The following NHSL1 variants were observed in gnomAD, a reference collection of about 807,000 sequenced individuals.
NHSL1 encodes the protein NHS like 1, also known as NHS-like protein 1.
A neutral mutation model predicts 95.0 loss-of-function variants in NHSL1; 48 were observed. The observed-to-expected ratio is 0.51, with a 90% CI of 0.40 to 0.64. The LOEUF is 0.64. Among genes scored for constraint, NHSL1 ranks in the 30% least tolerant of loss-of-function variants. The probability of loss-of-function intolerance (pLI) is 0.00; values close to 1 mark genes in which losing one functional copy is unlikely to be tolerated. For missense variants in NHSL1, 1,971 were observed against 2,077.7 expected (o/e 0.95, Z 1.00); for synonymous variants, 783 against 833.9 (o/e 0.94, Z 1.05).
At chr6:138,449,675 C>CA (rs879337477) in intron 3 of NHSL1, among the ~76,000 whole-genome samples, 2,439 of 116,654 alleles carry the variant, frequency 0.021, 36 homozygotes, top group East Asian at 0.078. Context: ...GACTCTGTCT[C>CA]AAAAAAAAAA....
At chr6:138,614,500 C>A (rs1162760364) in intron 1 of NHSL1, among the ~76,000 whole-genome samples, 4 of 152,334 alleles carry the variant, frequency 2.6e-5, no homozygotes, top group African/African-American at 9.6e-5. Flanking sequence ...CTCAAGGAAA[C>A]AAGTGCTTAC....
At position 138,424,478 on chromosome 6, in the gene NHSL1, G is replaced by A. The variant is rs1410811112; in HGVS notation, c.4424C>T (p.Ala1475Val). 3.2e-6 allele frequency: 5 copies of A among 1,551,458 alleles called. No individual in the cohort carries two copies. In the East Asian group the frequency reaches 1.2e-4, roughly 38 times the overall value. ...SSCSPSKNRR[A>V]QEEWAKNEGL... ...TTCGTTCTTGGCCCACTCCTCCTGCGCCCTTCTGTTCTTGCTTGGGGAGCA... is the reference window on the plus strand; with the variant it reads ...TTCGTTCTTGGCCCACTCCTCCTGCACCCTTCTGTTCTTGCTTGGGGAGCA... The change falls in exon 8 of 8, where the codon GCG becomes GTG. Residue 1475 changes from alanine (A) to valine (V), a missense_variant. Ala to Val is a moderately conservative substitution (Grantham distance 64). This residue lies in a region of NHSL1 where 223 missense variants were observed against 217.0 expected (regional missense o/e 1.03). Coordinates refer to ENST00000343505, the MANE Select transcript of NHSL1 (RefSeq NM_001144060.2). This position sits in a 1 kb window ranked among gnomAD's most constrained non-coding sequence, Gnocchi z 5.9.
intron 1 of NHSL1, among the ~76,000 whole-genome samples, chr6:138,682,106 C>T (rs1398928378): frequency 1.3e-5 from 2 of 151,884 alleles, no homozygotes; most frequent in African/African-American, 2.4e-5. Context: ...CTCAACCTCC[C>T]GAGATTACAG....
At chr6:138,453,323 C>T (rs1777363675) in intron 3 of NHSL1, among the ~76,000 whole-genome samples, 1 of 151,762 alleles carries the variant, frequency 6.6e-6, no homozygotes, top group Admixed American at 6.6e-5. Flanking sequence ...TACCTCAAAT[C>T]TAATTGCTTT....
chr6:138,458,800 T>C (rs1020442925), intron 3 of NHSL1, among the ~76,000 whole-genome samples: 1 of 139,302 alleles, frequency 7.2e-6, no homozygotes, highest in Non-Finnish European at 1.5e-5. Context: ...CACTCCAGCC[T>C]GGCAACAGAG....
Position 138,692,007 on chromosome 6 carries a change from C to A in NHSL1, c.96+469G>T. Reference sequence around the variant, plus strand: ...AGAGAGGTGGCAAGCAGCCCCAACGCTCGCCGAGATCCCCAGGGTTTTACA... The same window carrying A: ...AGAGAGGTGGCAAGCAGCCCCAACGATCGCCGAGATCCCCAGGGTTTTACA... On this transcript the variant is annotated intron_variant, in intron 1 of 3. Coordinates refer to the NHSL1 transcript ENST00000491526. The surrounding 1 kb of genome is among the most constrained non-coding windows in gnomAD (Gnocchi z 4.0). 2.2e-6 allele frequency: 1 copy of A among 456,576 alleles called. No homozygotes were observed. The highest frequency in any genetic ancestry group is 6.9e-5 in the East Asian group (1 of 14,390). The allele number at this position is 456,576 out of a possible 1,614,324, so 28.3% of individuals were successfully genotyped here. A position where few individuals can be genotyped will look rare whatever the true frequency, so the allele number is the denominator to read the frequency against.
chr6:138,618,812 G>A (rs559401916), intron 1 of NHSL1, among the ~76,000 whole-genome samples: 1 of 152,214 alleles, frequency 6.6e-6, no homozygotes, highest in African/African-American at 2.4e-5. Context: ...CCAGACAGCT[G>A]AGCAATAATT....
chr6:138,672,787 G>A (rs923831654), intron 1 of NHSL1, among the ~76,000 whole-genome samples: 1 of 152,138 alleles, frequency 6.6e-6, no homozygotes, highest in Non-Finnish European at 1.5e-5. Flanking sequence ...GGGAGGCCGA[G>A]GTAGGCAGAT....
chr6:138,537,947 G>A (rs1782426158), intron 1 of NHSL1, among the ~76,000 whole-genome samples: 1 of 152,144 alleles, frequency 6.6e-6, no homozygotes, highest in South Asian at 2.1e-4. Context: ...CTGGGGGTAG[G>A]AACAGTGACT....
chr6:138,605,525 G>C (rs1412971546), intron 1 of NHSL1, among the ~76,000 whole-genome samples: 1 of 152,154 alleles, frequency 6.6e-6, no homozygotes, highest in African/African-American at 2.4e-5. Flanking sequence ...ATTTTCATCA[G>C]CTCAAAGCAT....
chr6:138,523,223 T>C (rs1462334107), intron 1 of NHSL1, among the ~76,000 whole-genome samples: 1 of 152,004 alleles, frequency 6.6e-6, no homozygotes, highest in Non-Finnish European at 1.5e-5. Flanking sequence ...GAAAAAAAAT[T>C]AATGGTGGGG....
intron 1 of NHSL1, among the ~76,000 whole-genome samples, chr6:138,544,530 A>G (rs1214011994): frequency 6.6e-6 from 1 of 152,182 alleles, no homozygotes; most frequent in African/African-American, 2.4e-5. Flanking sequence ...TAAGATGTCA[A>G]AATAAGGTTA....
At position 138,518,781 on chromosome 6, in the gene NHSL1, G is replaced by T. The variant is rs182896642; in HGVS notation, c.17-22410C>A. Among the ~76,000 whole-genome samples the T allele has an allele frequency of 1.1e-4, 17 of 152,252 alleles. No homozygotes were observed. The East Asian group carries it at 3.1e-3, about 28-fold the overall frequency. ...GCCTGTAATCCCAGCACTTTAGGAG[G>T]CCAAGGCCAGCAGATCGCCTGAGGT... On this transcript the variant is annotated intron_variant, in intron 1 of 4. Transcript: ENST00000342260.
intron 1 of NHSL1, among the ~76,000 whole-genome samples, chr6:138,508,273 A>C (rs764242840): frequency 2.0e-5 from 3 of 152,234 alleles, no homozygotes; most frequent in Non-Finnish European, 4.4e-5. Flanking sequence ...AAGGCTGCAA[A>C]GTCGCTCTAG....
chr6:138,487,430 T>C (rs937834141), intron 2 of NHSL1, among the ~76,000 whole-genome samples: 1 of 152,242 alleles, frequency 6.6e-6, no homozygotes, highest in Non-Finnish European at 1.5e-5. Flanking sequence ...ATTGACGACA[T>C]TCATCTTTGA....
intron 1 of NHSL1, among the ~76,000 whole-genome samples, chr6:138,592,353 C>G (rs1002327263): frequency 1.3e-5 from 2 of 152,218 alleles, no homozygotes; most frequent in Non-Finnish European, 2.9e-5. Context: ...AATCCCAGCA[C>G]TTTGGGAGGC....
rs60264860 is a variant in NHSL1, at chr6:138,586,223, T to C, written c.97-89852A>G. On this transcript the variant is annotated intron_variant, in intron 1 of 3. Transcript: ENST00000491526. ...GATTCTCCTGCCTCATCCTCCCAAA[T>C]AGCTGGAATTACAGGCACCTACCAC... is the stretch of plus-strand genomic sequence containing the variant. Among the ~76,000 whole-genome samples the C allele has an allele frequency of 5.7e-3, 868 of 151,974 alleles. 6 individuals are homozygous for C. Among genetic ancestry groups the C allele is most frequent in the African/African-American group, 0.02 (829 of 41,470 alleles).
At chr6:138,477,690 T>C (rs1779161752) in intron 2 of NHSL1, among the ~76,000 whole-genome samples, 1 of 152,158 alleles carries the variant, frequency 6.6e-6, no homozygotes, top group Non-Finnish European at 1.5e-5. Flanking sequence ...ACTCAAACAT[T>C]ACTTTTACAA....
intron 2 of NHSL1, among the ~76,000 whole-genome samples, chr6:138,477,662 A>G (rs928438612): frequency 6.6e-6 from 1 of 152,214 alleles, no homozygotes; most frequent in African/African-American, 2.4e-5. Context: ...AAAAATTTAA[A>G]TTATAAAACT....
Sources: gnomAD v4.1 joint callset for allele counts (sites outside exome capture counted in the v4.1 genomes callset) on GRCh38, gnomAD v4.1.1 for gene constraint, gnomAD v4.1.1 regional missense constraint, Gnocchi (gnomAD v3.1) non-coding constraint, MANE v1.5 for transcripts, NCBI Gene and HGNC (gene_info 2026-07-23, HGNC 2026-07-21) for gene names.